MED27: variants seen among roughly 807,000 people sequenced by gnomAD.
MED27 encodes the protein mediator complex subunit 27.
A neutral mutation model predicts 38.2 loss-of-function variants in MED27; 30 were observed. That is an observed-to-expected ratio of 0.79 (90% CI 0.59 to 1.07). The LOEUF (loss-of-function observed/expected upper bound fraction) is 1.07, where lower values mean the gene tolerates loss of function less well. MED27 is among the 50% of genes least tolerant of loss of function. The pLI, the probability that MED27 is intolerant of heterozygous loss-of-function variation, is 0.00. For missense variants in MED27, 289 were observed against 397.5 expected (o/e 0.73, Z 2.32); for synonymous variants, 122 against 153.5 (o/e 0.79, Z 1.52).
At chr9:132,046,388 T>C (rs1564339030) in intron 2 of MED27, among the ~76,000 whole-genome samples, 1 of 152,102 alleles carries the variant, frequency 6.6e-6, no homozygotes, top group Non-Finnish European at 1.5e-5. Flanking sequence ...TAAACTGGTA[T>C]AGCTATTTTG....
At chr9:131,869,059 T>C (rs1441762578) in intron 6 of MED27, 1 of 985,336 alleles carries the variant, frequency 1.0e-6, no homozygotes, top group African/African-American at 1.7e-5. Flanking sequence ...ATAAAGCATA[T>C]ATTCTCTTCC....
intron 4 of MED27, among the ~76,000 whole-genome samples, 163 bp from the exon 5 acceptor site, chr9:131,894,155 G>A (rs953241542): frequency 2.1e-4 from 32 of 152,168 alleles, no homozygotes; most frequent in African/African-American, 7.2e-4. Flanking sequence ...ATAACAGCAA[G>A]TTCTTTCTGT....
At chr9:132,079,269 G>C (rs1834121222) in intron 1 of MED27, among the ~76,000 whole-genome samples, 1 of 152,168 alleles carries the variant, frequency 6.6e-6, no homozygotes, top group Non-Finnish European at 1.5e-5. Context: ...ACCAGGTCCT[G>C]TCTGTACTAT....
At chr9:132,079,608 G>A (rs1564353246) in intron 1 of MED27, 34 bp downstream of exon 1, 1 of 1,608,400 alleles carries the variant, frequency 6.2e-7, no homozygotes, top group Non-Finnish European at 8.5e-7. Context: ...AGCGGGGCCG[G>A]TCCCCGACCC....
At chr9:131,914,522 C>T (rs1252141616) in intron 4 of MED27, among the ~76,000 whole-genome samples, 4 of 152,158 alleles carry the variant, frequency 2.6e-5, no homozygotes, top group Non-Finnish European at 5.9e-5. Flanking sequence ...GATACAAAAG[C>T]GTTGTACACT....
rs935890815 is a variant in MED27, at chr9:132,003,504, G to A, written c.479+10833C>T. Among the ~76,000 whole-genome samples the A allele has an allele frequency of 6.6e-6, 1 of 152,182 alleles. No homozygotes were observed. Among genetic ancestry groups the A allele is most frequent in the African/African-American group, 2.4e-5 (1 of 41,444 alleles). On this transcript the variant is annotated intron_variant, in intron 3 of 7. Transcript: ENST00000292035. The surrounding 1 kb of genome is among the most constrained non-coding windows in gnomAD (Gnocchi z 4.2). ...GGGCCACAAGGGGCACGTGACAGTT[G>A]GGCCTGAAGGGTTGGCTAGAGCAAG...
intron 6 of MED27, among the ~76,000 whole-genome samples, chr9:131,870,103 C>A (rs1838804111): frequency 6.6e-6 from 1 of 152,156 alleles, no homozygotes; most frequent in South Asian, 2.1e-4. Context: ...CCTGACAGCC[C>A]CCCTCCTACA....
At chr9:131,972,503 T>C (rs1831501265) in intron 3 of MED27, among the ~76,000 whole-genome samples, 2 of 152,212 alleles carry the variant, frequency 1.3e-5, no homozygotes, top group Admixed American at 6.5e-5. Context: ...TCAGGTGGTA[T>C]GTCCCTGCCA....
At chr9:131,961,334 T>C (rs936394195) in intron 3 of MED27, among the ~76,000 whole-genome samples, 4 of 152,206 alleles carry the variant, frequency 2.6e-5, no homozygotes, top group African/African-American at 9.7e-5. Flanking sequence ...CTCTGGGTAA[T>C]CACATCCCAA....
chr9:132,026,737 C>G (rs1338931373), intron 2 of MED27, among the ~76,000 whole-genome samples: 4 of 152,102 alleles, frequency 2.6e-5, no homozygotes, highest in Non-Finnish European at 4.4e-5. Context: ...GTCCTCACAG[C>G]TACATCCCCA....
intron 3 of MED27, among the ~76,000 whole-genome samples, chr9:131,994,812 AGTG>A (rs1314977165): frequency 1.3e-5 from 2 of 152,178 alleles, no homozygotes; most frequent in Non-Finnish European, 2.9e-5. Context: ...CAGTAGTCCC[AGTG>A]GCCCTCCCCA....
chr9:131,998,283 T>C (rs1330133762), intron 3 of MED27, among the ~76,000 whole-genome samples: 1 of 137,818 alleles, frequency 7.3e-6, no homozygotes, highest in African/African-American at 3.0e-5. Flanking sequence ...TTTAATATCC[T>C]TTTTTTTTTT....
intron 3 of MED27, among the ~76,000 whole-genome samples, chr9:131,989,121 T>C (rs1197013966): frequency 6.6e-6 from 1 of 152,216 alleles, no homozygotes; most frequent in Non-Finnish European, 1.5e-5. Context: ...ATATTCATTA[T>C]CTCACTTAAA....
chr9:132,045,877 C>T (rs1272739662), intron 2 of MED27, among the ~76,000 whole-genome samples: 1 of 152,182 alleles, frequency 6.6e-6, no homozygotes, highest in East Asian at 1.9e-4. Flanking sequence ...CATGAGTGTT[C>T]TCTGTTCCTT....
intron 2 of MED27, among the ~76,000 whole-genome samples, chr9:132,059,264 G>A (rs1189285135): frequency 6.6e-6 from 1 of 152,166 alleles, no homozygotes; most frequent in Non-Finnish European, 1.5e-5. Flanking sequence ...TCTCAGAGAG[G>A]GCAAGAGGAA....
intron 3 of MED27, among the ~76,000 whole-genome samples, chr9:131,992,428 C>A (rs879432522): frequency 6.6e-6 from 1 of 152,172 alleles, no homozygotes; most frequent in East Asian, 1.9e-4. Context: ...GAGTCTCACT[C>A]TGTTGCCCAG....
intron 2 of MED27, among the ~76,000 whole-genome samples, chr9:132,021,419 G>T (rs1564328084): frequency 6.6e-6 from 1 of 151,784 alleles, no homozygotes; most frequent in African/African-American, 2.4e-5. Context: ...CCATCATAGG[G>T]ATTATTATTT....
chr9:131,956,818 T>G (rs529265906), intron 3 of MED27, among the ~76,000 whole-genome samples: 3 of 146,940 alleles, frequency 2.0e-5, no homozygotes, highest in East Asian at 3.9e-4. Context: ...AACACCCAAT[T>G]GATGATTAAA....
At chr9:131,919,294 C>A (rs1344443995) in intron 4 of MED27, among the ~76,000 whole-genome samples, 1 of 152,090 alleles carries the variant, frequency 6.6e-6, no homozygotes, top group Non-Finnish European at 1.5e-5. Flanking sequence ...ATTGAGTGGG[C>A]CCAGAACAAT....
Sources: allele counts gnomAD v4.1 joint callset (sites outside exome capture counted in the v4.1 genomes callset), GRCh38; gene constraint gnomAD v4.1.1; non-coding constraint Gnocchi (gnomAD v3.1); transcripts MANE v1.5; gene names NCBI Gene and HGNC (gene_info 2026-07-23, HGNC 2026-07-21).